Variants in SLC6A18 observed in about 807,000 individuals in gnomAD.
SLC6A18 encodes the protein inactive sodium-dependent neutral amino acid transporter B(0)AT3.
A neutral mutation model predicts 62.9 loss-of-function variants in SLC6A18; 58 were observed. The ratio of observed to expected loss-of-function variants is 0.92; its 90% CI spans 0.75 to 1.15. The LOEUF (loss-of-function observed/expected upper bound fraction) is 1.15, where lower values mean the gene tolerates loss of function less well. SLC6A18 is among the 50% of genes most tolerant of loss of function. The probability of loss-of-function intolerance (pLI) is 0.00; values close to 1 mark genes in which losing one functional copy is unlikely to be tolerated. For missense variants in SLC6A18, 793 were observed against 836.6 expected (o/e 0.95, Z 0.64); for synonymous variants, 382 against 365.8 (o/e 1.04, Z -0.51).
At chr5:1,225,787 A>C in intron 1 of SLC6A18, 150 bp downstream of exon 1, 1 of 939,970 alleles carries the variant, frequency 1.1e-6, no homozygotes. Flanking sequence ...CGGCAGAGTC[A>C]GTCCCCTCAG....
Position 1,232,861 on chromosome 5 carries a change from T to A in SLC6A18, c.412T>A (p.Ser138Thr), listed in dbSNP as rs1746768868. ...CTTCCAGCACCCGCTGCCCTGGAGCTCCTGCCCACCGGACCTCAACAGAAC... is the reference window on the plus strand; with the variant it reads ...CTTCCAGCACCCGCTGCCCTGGAGCACCTGCCCACCGGACCTCAACAGAAC... ...NSFQHPLPWS[S>T]CPPDLNRTGF... The change falls in exon 3 of 12, where the codon TCC (serine) becomes ACC (threonine). Residue 138 changes from serine (S) to threonine (T), a missense_variant. Coordinates refer to ENST00000324642, the MANE Select transcript of SLC6A18 (RefSeq NM_182632.3). 2 of 1,612,762 alleles carry A rather than the reference T, an allele frequency of 1.2e-6. No individual in the cohort carries two copies. The highest frequency in any genetic ancestry group is 1.7e-5 in the Admixed American group (1 of 59,956).
chr5:1,229,589 G>A (rs777942310), intron 1 of SLC6A18, among the ~76,000 whole-genome samples: 65 of 152,238 alleles, frequency 4.3e-4, no homozygotes, highest in Middle Eastern at 3.4e-3. Flanking sequence ...TCTGGAACCC[G>A]GAGCCCCTGC....
chr5:1,239,397 C>T (rs150979817), intron 5 of SLC6A18, 53 bp from the exon 6 acceptor site: 12 of 1,383,186 alleles, frequency 8.7e-6, no homozygotes, highest in Non-Finnish European at 1.2e-5. Context: ...GTCAGGGCCA[C>T]CAGCTCATGT....
In SLC6A18 at chr5:1,244,240, T is replaced by C. The variant is rs1747150185; in HGVS notation, c.1363T>C (p.Ser455Pro). The C allele has an allele frequency of 6.6e-7, 1 of 1,511,700 alleles. No homozygotes were observed. The highest frequency in any genetic ancestry group is 1.8e-5 in the Admixed American group (1 of 56,212). 93.6% of individuals were successfully genotyped at this position (1,511,700 alleles called of 1,614,324 possible). Reference protein sequence around the residue: ...TGLVCLVCFLSATCFTLQSGN... With the variant: ...TGLVCLVCFLPATCFTLQSGN... ...GCTGGTCTGCCTGGTCTGCTTCCTC[T>C]CCGCCACCTGCTTCACGCTGCAGTC... The change falls in exon 10 of 12, where the codon TCC becomes CCC. Residue 455 changes from serine to proline, a missense_variant. By Grantham distance (74) the Ser-to-Pro change is moderately conservative. Coordinates refer to ENST00000324642, the MANE Select transcript of SLC6A18 (RefSeq NM_182632.3).
chr5:1,233,951 C>T (rs188238229), intron 3 of SLC6A18, among the ~76,000 whole-genome samples: 1 of 152,134 alleles, frequency 6.6e-6, no homozygotes, highest in Admixed American at 6.5e-5. Flanking sequence ...CCATGTTAGC[C>T]AGGATGGTCT....
intron 1 of SLC6A18, among the ~76,000 whole-genome samples, chr5:1,231,403 T>G (rs989026006): frequency 1.3e-5 from 2 of 152,154 alleles, no homozygotes; most frequent in Non-Finnish European, 2.9e-5. Context: ...GTGGGGGGAC[T>G]GGTCCAGCCC....
chr5:1,243,475 G>A lies in SLC6A18; in HGVS notation c.1132-80G>A, dbSNP rs986332485. Reference sequence around the variant, plus strand: ...ACTCGTGTCCTCGGCCTGGGAGAGTGTGTGTCCTGCAGGCAGGCGTGTGTG... The same window carrying A: ...ACTCGTGTCCTCGGCCTGGGAGAGTATGTGTCCTGCAGGCAGGCGTGTGTG... On this transcript the variant is annotated intron_variant, in intron 8 of 11. Transcript: ENST00000324642. The surrounding 1 kb of genome is among the most constrained non-coding windows in gnomAD (Gnocchi z 6.5). 86 of 1,495,120 alleles carry A rather than the reference G, an allele frequency of 5.8e-5. No homozygotes were observed. Among genetic ancestry groups the A allele is most frequent in the Admixed American group, 3.2e-4 (19 of 58,652 alleles). The allele number at this position is 1,495,120 out of a possible 1,614,324, so 92.6% of individuals were successfully genotyped here.
chr5:1,225,488 C>T lies in SLC6A18; in HGVS notation c.11C>T (p.Ala4Val). 6.2e-7 allele frequency: 1 copy of T among 1,611,944 alleles called. No individual in the cohort carries two copies. The highest frequency in any genetic ancestry group is 8.5e-7 in the Non-Finnish European group (1 of 1,179,208). MAHAPEPDPAACDL... is the reference protein window; with the variant it reads MAHVPEPDPAACDL... ...GGGCACTCAGTCACCATGGCTCATG[C>T]CCCAGAACCGGACCCGGCCGCCTGC... The change falls in exon 1 of 12, where the codon GCC (alanine) becomes GTC (valine). Residue 4 changes from alanine (A) to valine (V), a missense_variant. Transcript: ENST00000324642.
At chr5:1,232,504 G>T (rs966606130) in intron 2 of SLC6A18, 145 bp downstream of exon 2, 1 of 1,200,590 alleles carries the variant, frequency 8.3e-7, no homozygotes, top group African/African-American at 1.5e-5. Context: ...GAGCCCTTGG[G>T]TGTGTGTGAG....
At chr5:1,225,699 C>T in intron 1 of SLC6A18, 62 bp downstream of exon 1, 1 of 1,487,662 alleles carries the variant, frequency 6.7e-7, no homozygotes, top group East Asian at 2.5e-5. Context: ...TCCACCCTGA[C>T]CTGCCAGGCG....
rs753378190 is a variant in SLC6A18 at position 1,246,115 on chromosome 5, G to T, written c.*37G>T. ...GCGGGGCCTGCATGGGCGGGTCTGT[G>T]GGGGGGCTTGGCCTGATGGTGGGCG... On this transcript the variant is annotated 3_prime_UTR_variant, in exon 12 of 12. Transcript: ENST00000324642. The T allele has an allele frequency of 2.0e-6, 3 of 1,529,600 alleles. No homozygotes were observed. Among genetic ancestry groups the T allele is most frequent in the African/African-American group, 2.8e-5 (2 of 72,420 alleles). 94.8% of individuals were successfully genotyped at this position (1,529,600 alleles called of 1,614,324 possible). A position where few individuals can be genotyped will look rare whatever the true frequency, so the allele number is the denominator to read the frequency against.
chr5:1,230,615 A>G (rs1232334222), intron 1 of SLC6A18, among the ~76,000 whole-genome samples: 1 of 152,212 alleles, frequency 6.6e-6, no homozygotes, highest in African/African-American at 2.4e-5. Context: ...GTCGCAGAAC[A>G]TTCTCATGGT....
In SLC6A18 at chr5:1,246,013, G is replaced by T; in HGVS notation, c.1822G>T (p.Asp608Tyr). Reference protein sequence around the residue: ...WRDRDARPDTDMRPDTDTRPD... With the variant: ...WRDRDARPDTYMRPDTDTRPD... ...GGACAGGGACGCGCGCCCAGACACG[G>T]ACATGCGCCCGGACACGGACACGCG... The change falls in exon 12 of 12, where the codon GAC becomes TAC. Residue 608 changes from aspartate to tyrosine, a missense_variant. Physicochemically the swap from Asp to Tyr is radical, Grantham distance 160. Transcript: ENST00000324642. The T allele has an allele frequency of 6.3e-7, 1 of 1,596,194 alleles. No homozygotes were observed. The highest frequency in any genetic ancestry group is 1.7e-5 in the Admixed American group (1 of 59,370).
chr5:1,233,862 C>T (rs926585820), intron 3 of SLC6A18, among the ~76,000 whole-genome samples: 4 of 151,948 alleles, frequency 2.6e-5, no homozygotes, highest in African/African-American at 4.8e-5. Context: ...CTGCCTCAGC[C>T]TCCCAAATAG....
At chr5:1,227,057 CA>C in intron 1 of SLC6A18, among the ~76,000 whole-genome samples, 1 of 136,998 alleles carries the variant, frequency 7.3e-6, no homozygotes, top group South Asian at 2.5e-4. Flanking sequence ...TGCCCGCCGA[CA>C]CCTTGCCCGC....
In SLC6A18 at chr5:1,243,850, A is replaced by G; in HGVS notation, c.1336+91A>G. 2 of 1,263,524 alleles carry G rather than the reference A, an allele frequency of 1.6e-6. No individual in the cohort carries two copies. The highest frequency in any genetic ancestry group is 2.2e-6 in the Non-Finnish European group (2 of 927,878). The allele number at this position is 1,263,524 out of a possible 1,614,324, so 78.3% of individuals were successfully genotyped here. Reference sequence around the variant, plus strand: ...CTGTCCAGACGCCCCTCCTGGATGGAGAGCGCAAGGGGCCAAGCCTGAGTT... The same window carrying G: ...CTGTCCAGACGCCCCTCCTGGATGGGGAGCGCAAGGGGCCAAGCCTGAGTT... On this transcript the variant is annotated intron_variant, in intron 9 of 11. Coordinates refer to ENST00000324642, the MANE Select transcript of SLC6A18 (RefSeq NM_182632.3). The surrounding 1 kb of genome is among the most constrained non-coding windows in gnomAD (Gnocchi z 6.5).
chr5:1,228,913 A>G (rs1321087144), intron 1 of SLC6A18, among the ~76,000 whole-genome samples: 1 of 152,212 alleles, frequency 6.6e-6, no homozygotes, highest in Non-Finnish European at 1.5e-5. Context: ...CATTCTTACC[A>G]TGTGGAATCA....
Position 1,243,045 on chromosome 5 carries a change from G to A in SLC6A18, c.1131+182G>A, listed in dbSNP as rs770554219. The stretch of plus-strand genomic sequence containing the variant: ...TGCCAGGCCTCCTGGAAAGCCCGAA[G>A]TCCTGGGGGCAGCTGTGTCCAGCAG... On this transcript the variant is annotated intron_variant, in intron 8 of 11. Coordinates refer to ENST00000324642, the MANE Select transcript of SLC6A18 (RefSeq NM_182632.3). The surrounding 1 kb of genome is among the most constrained non-coding windows in gnomAD (Gnocchi z 6.5). Among the ~76,000 whole-genome samples the A allele has an allele frequency of 2.6e-5, 4 of 152,246 alleles. No homozygotes were observed. Among genetic ancestry groups the A allele is most frequent in the Non-Finnish European group, 5.9e-5 (4 of 68,042 alleles).
In SLC6A18 at chr5:1,238,013, A is replaced by G; in HGVS notation, c.685A>G (p.Thr229Ala). 6.2e-7 allele frequency: 1 copy of G among 1,614,158 alleles called. No individual in the cohort carries two copies. ...VLTIFLIRGL[T>A]LPGATKGLIY... ...GACCATCTTTCTCATCAGAGGGCTGACCCTGCCAGGGGCAACAAAAGGACT... is the reference window on the plus strand; with the variant it reads ...GACCATCTTTCTCATCAGAGGGCTGGCCCTGCCAGGGGCAACAAAAGGACT... Residue 229 changes from threonine (T) to alanine (A), a missense_variant, in exon 5 of 12, where the codon ACC becomes GCC. Coordinates refer to ENST00000324642, the MANE Select transcript of SLC6A18 (RefSeq NM_182632.3).
Sources: allele counts gnomAD v4.1 joint callset (sites outside exome capture counted in the v4.1 genomes callset), GRCh38; gene constraint gnomAD v4.1.1; non-coding constraint Gnocchi (gnomAD v3.1); transcripts MANE v1.5; gene names NCBI Gene and HGNC (gene_info 2026-07-23, HGNC 2026-07-21).